Variants in PCDH9 observed in about 807,000 individuals in gnomAD.
PCDH9 encodes protocadherin-9.
PCDH9 carries 24 observed loss-of-function variants against 70.6 expected under a neutral mutation model. That is an observed-to-expected ratio of 0.34 (90% confidence interval 0.25 to 0.48). The LOEUF is 0.48. PCDH9 is among the 20% of genes least tolerant of loss of function. The probability of loss-of-function intolerance (pLI) is 0.99; values close to 1 mark genes in which losing one functional copy is unlikely to be tolerated. For synonymous variants in PCDH9, 562 were observed against 558.5 expected (o/e 1.01, Z -0.09); for missense variants, 1,281 against 1,503.6 (o/e 0.85, Z 2.45).
At chr13:66,700,121 G>A (rs2078618119) in intron 3 of PCDH9, among the ~76,000 whole-genome samples, 1 of 152,128 alleles carries the variant, frequency 6.6e-6, no homozygotes. Context: ...TAGTTAACGT[G>A]CACCTACTGT....
chr13:66,958,862 A>G (rs931076728), intron 2 of PCDH9, among the ~76,000 whole-genome samples: 6 of 152,132 alleles, frequency 3.9e-5, no homozygotes, highest in African/African-American at 1.2e-4. Flanking sequence ...TCGTCATGCT[A>G]TGTTTTATAC....
chr13:66,604,751 C>T (rs191231483), intron 4 of PCDH9, among the ~76,000 whole-genome samples: 16 of 152,004 alleles, frequency 1.1e-4, no homozygotes, highest in Admixed American at 3.3e-4. Flanking sequence ...ATCTTTTCAA[C>T]GCCATCATTC....
rs756125563 is a variant in PCDH9, at chr13:67,226,213, G to C, written c.2228C>G (p.Pro743Arg). 6.2e-6 allele frequency: 10 copies of C among 1,613,992 alleles called. No individual in the cohort carries two copies. The South Asian group carries it at 9.9e-5, about 16-fold the overall frequency. ...CAAACGATGCAATCCCACATCAGTA[G>C]GTGCTGGTTTTTCTTCCAGAGTAAT... Reference protein sequence around the residue: ...GNITLEEKPAPTDVGLHRLVV... With the variant: ...GNITLEEKPARTDVGLHRLVV... The change falls in exon 2 of 5, where the codon CCT (proline) becomes CGT (arginine). Residue 743 changes from proline (P) to arginine (R), a missense_variant. Pro to Arg is a moderately radical substitution (Grantham distance 103). Coordinates refer to ENST00000377865, the MANE Select transcript of PCDH9 (RefSeq NM_203487.3). The surrounding 1 kb of genome is among the most constrained non-coding windows in gnomAD (Gnocchi z 5.0).
At chr13:66,417,120 G>A (rs1265280012) in intron 4 of PCDH9, among the ~76,000 whole-genome samples, 2 of 152,060 alleles carry the variant, frequency 1.3e-5, no homozygotes, top group Admixed American at 1.3e-4. Context: ...GTAGTTTGCT[G>A]CACCCAGCAA....
At chr13:67,069,517 G>C (rs1022847952) in intron 2 of PCDH9, among the ~76,000 whole-genome samples, 2 of 152,048 alleles carry the variant, frequency 1.3e-5, no homozygotes, top group African/African-American at 4.8e-5. Flanking sequence ...CGAAACCATA[G>C]GGTAATAGGA....
chr13:66,773,500 G>A (rs1225617798), intron 3 of PCDH9, among the ~76,000 whole-genome samples: 2 of 150,734 alleles, frequency 1.3e-5, no homozygotes, highest in East Asian at 4.0e-4. Flanking sequence ...GCGTGGTGGC[G>A]GGCGCCTGTA....
At chr13:67,058,291 C>T (rs985325539) in intron 2 of PCDH9, among the ~76,000 whole-genome samples, 2 of 152,080 alleles carry the variant, frequency 1.3e-5, no homozygotes, top group Non-Finnish European at 2.9e-5. Flanking sequence ...AAGTTCTAGG[C>T]TTTTAAACAA....
At position 67,175,839 on chromosome 13, in the gene PCDH9, G is replaced by A. The variant is rs565735942; in HGVS notation, c.3036+49566C>T. 3.3e-5 allele frequency among the ~76,000 whole-genome samples: 5 copies of A among 152,060 alleles called. No individual in the cohort carries two copies. The East Asian group carries it at 9.7e-4, about 29-fold the overall frequency. The stretch of plus-strand genomic sequence containing the variant: ...GATCTACTTACCTCTATAAAATGCA[G>A]CATTCTTTAGATTTTAGAGATGCAC... On this transcript the variant is annotated intron_variant, in intron 2 of 4. Coordinates refer to ENST00000377865, the MANE Select transcript of PCDH9 (RefSeq NM_203487.3).
intron 4 of PCDH9, among the ~76,000 whole-genome samples, chr13:66,541,820 C>T (rs1960969575): frequency 6.6e-6 from 1 of 152,142 alleles, no homozygotes; most frequent in African/African-American, 2.4e-5. Context: ...CAGTTATAGA[C>T]AAATAACTGA....
At chr13:66,930,850 C>A (rs776279267) in intron 2 of PCDH9, among the ~76,000 whole-genome samples, 3 of 151,962 alleles carry the variant, frequency 2.0e-5, no homozygotes, top group Non-Finnish European at 2.9e-5. Context: ...CACTGGGAAA[C>A]CAAACAAATT....
At chr13:66,462,032 GA>G (rs1405534008) in intron 4 of PCDH9, among the ~76,000 whole-genome samples, 1 of 151,758 alleles carries the variant, frequency 6.6e-6, no homozygotes, top group Non-Finnish European at 1.5e-5. Context: ...CTACCAGCTT[GA>G]AAGAGCCAAT....
At chr13:66,955,506 G>A (rs1350138703) in intron 2 of PCDH9, among the ~76,000 whole-genome samples, 1 of 152,040 alleles carries the variant, frequency 6.6e-6, no homozygotes, top group East Asian at 1.9e-4. Context: ...AGAACAAAAG[G>A]GGTCACATTG....
At chr13:67,097,386 T>A (rs1471877176) in intron 2 of PCDH9, among the ~76,000 whole-genome samples, 1 of 152,228 alleles carries the variant, frequency 6.6e-6, no homozygotes, top group Non-Finnish European at 1.5e-5. Flanking sequence ...GAATTTTATC[T>A]GCATTACAAA....
intron 4 of PCDH9, among the ~76,000 whole-genome samples, chr13:66,406,176 C>T (rs1319596988): frequency 2.0e-5 from 3 of 152,108 alleles, no homozygotes; most frequent in African/African-American, 7.2e-5. Context: ...TTGGATTAAG[C>T]ATCAGATGAA....
intron 3 of PCDH9, among the ~76,000 whole-genome samples, chr13:66,750,034 CTGTT>C (rs2079432834): frequency 6.6e-6 from 1 of 152,092 alleles, no homozygotes; most frequent in African/African-American, 2.4e-5. Flanking sequence ...AGCACAAAAA[CTGTT>C]TAGGTATAGT....
chr13:67,022,613 A>T (rs530064650), intron 2 of PCDH9, among the ~76,000 whole-genome samples: 1 of 152,350 alleles, frequency 6.6e-6, no homozygotes, highest in African/African-American at 2.4e-5. Flanking sequence ...GCCATCATAA[A>T]TAACCAAAAC....
chr13:66,356,158 A>G (rs1213787405), intron 4 of PCDH9, among the ~76,000 whole-genome samples: 2 of 152,174 alleles, frequency 1.3e-5, no homozygotes, highest in African/African-American at 2.4e-5. Flanking sequence ...AACAAAAAGT[A>G]TTGGAGGGCT....
At chr13:66,888,004 G>C (rs1566268157) in intron 3 of PCDH9, among the ~76,000 whole-genome samples, 1 of 152,098 alleles carries the variant, frequency 6.6e-6, no homozygotes, top group Non-Finnish European at 1.5e-5. Context: ...TCTAGTTTTT[G>C]AAAAGTCACT....
intron 4 of PCDH9, among the ~76,000 whole-genome samples, chr13:66,338,793 T>C (rs1478445374): frequency 6.6e-6 from 1 of 152,004 alleles, no homozygotes; most frequent in Non-Finnish European, 1.5e-5. Context: ...CTATCTCCTT[T>C]ATGACTTTAA....
Sources: gnomAD v4.1 joint callset for allele counts (sites outside exome capture counted in the v4.1 genomes callset) on GRCh38, gnomAD v4.1.1 for gene constraint, Gnocchi (gnomAD v3.1) non-coding constraint, MANE v1.5 for transcripts, NCBI Gene and HGNC (gene_info 2026-07-23, HGNC 2026-07-21) for gene names.